CNTNAP2: variants seen among roughly 807,000 people sequenced by gnomAD.
CNTNAP2 encodes the protein contactin associated protein 2.
A neutral mutation model predicts 155.2 loss-of-function variants in CNTNAP2; 98 were observed. That is an observed-to-expected ratio of 0.63 (90% CI 0.54 to 0.75). The LOEUF (loss-of-function observed/expected upper bound fraction) is 0.75. CNTNAP2 is among the 30% of genes least tolerant of loss of function. CNTNAP2 has a pLI of 0.00. For missense variants in CNTNAP2, 1,727 were observed against 1,688.1 expected (o/e 1.02, Z -0.40); for synonymous variants, 651 against 631.2 (o/e 1.03, Z -0.47).
intron 9 of CNTNAP2, among the ~76,000 whole-genome samples, chr7:147,350,427 A>C (rs1452071209): frequency 6.6e-6 from 1 of 151,876 alleles, no homozygotes; most frequent in South Asian, 2.1e-4. Context: ...ACTTTTATAC[A>C]CTTTATAGTA....
At chr7:147,183,918 C>T (rs1802515487) in intron 8 of CNTNAP2, among the ~76,000 whole-genome samples, 1 of 152,114 alleles carries the variant, frequency 6.6e-6, no homozygotes, top group Non-Finnish European at 1.5e-5. Flanking sequence ...TCAAGCTAAA[C>T]ACAAAGTAAA....
chr7:147,120,563 G>T (rs558438719), intron 5 of CNTNAP2, among the ~76,000 whole-genome samples: 14 of 151,732 alleles, frequency 9.2e-5, no homozygotes, highest in Non-Finnish European at 1.9e-4. Flanking sequence ...TAACTTGTAC[G>T]TACTTTGAAC....
intron 1 of CNTNAP2, among the ~76,000 whole-genome samples, chr7:146,773,591 C>T (rs1802335293): frequency 6.6e-6 from 1 of 152,112 alleles, no homozygotes; most frequent in Admixed American, 6.5e-5. Context: ...GATGGGGTTT[C>T]TCCTGTTGGT....
chr7:147,210,595 G>T (rs1457598676), intron 8 of CNTNAP2, among the ~76,000 whole-genome samples: 2 of 151,702 alleles, frequency 1.3e-5, no homozygotes, highest in East Asian at 3.9e-4. Flanking sequence ...ATTTTGTTCA[G>T]TTCTCAGATT....
chr7:148,045,206 A>T (rs1215671202), intron 15 of CNTNAP2, among the ~76,000 whole-genome samples: 1 of 152,154 alleles, frequency 6.6e-6, no homozygotes, highest in African/African-American at 2.4e-5. Context: ...GCTGTCCTGG[A>T]CACGCAGGCT....
At chr7:147,377,848 C>T (rs527655408) in intron 9 of CNTNAP2, among the ~76,000 whole-genome samples, 10 of 151,844 alleles carry the variant, frequency 6.6e-5, no homozygotes, top group East Asian at 1.9e-4. Context: ...TTTTATGTTC[C>T]GTGGTAATGT....
intron 9 of CNTNAP2, among the ~76,000 whole-genome samples, chr7:147,376,214 C>CGT (rs1265544623): frequency 1.3e-5 from 2 of 151,888 alleles, no homozygotes; most frequent in Non-Finnish European, 2.9e-5. Context: ...TATGATAACT[C>CGT]GGTAGTGAGA....
chr7:147,384,774 T>G (rs1028055024), intron 9 of CNTNAP2, among the ~76,000 whole-genome samples: 6 of 152,184 alleles, frequency 3.9e-5, no homozygotes, highest in Non-Finnish European at 7.3e-5. Context: ...ATAGTTTTTA[T>G]TTTGAAACAA....
chr7:148,166,901 A>G (rs1805676944), intron 17 of CNTNAP2, among the ~76,000 whole-genome samples: 1 of 152,048 alleles, frequency 6.6e-6, no homozygotes, highest in Non-Finnish European at 1.5e-5. Flanking sequence ...ATTTTCACTG[A>G]TTCTAGTGCA....
At chr7:148,177,251 CA>C (rs1794953960) in intron 18 of CNTNAP2, among the ~76,000 whole-genome samples, 1 of 152,074 alleles carries the variant, frequency 6.6e-6, no homozygotes, top group African/African-American at 2.4e-5. Flanking sequence ...AAGTTGAGGT[CA>C]TACTAGGAGG....
intron 1 of CNTNAP2, among the ~76,000 whole-genome samples, chr7:146,185,174 A>C (rs1036186764): frequency 6.6e-6 from 1 of 152,162 alleles, no homozygotes. Flanking sequence ...CATTTGTATT[A>C]AAATATGTAG....
chr7:147,792,639 T>C (rs76287756), intron 13 of CNTNAP2, among the ~76,000 whole-genome samples: 1,700 of 152,328 alleles, frequency 0.011, 92 homozygotes, highest in Admixed American at 0.088. Context: ...TTTTTGCCTG[T>C]TATTAATAAT....
intron 1 of CNTNAP2, among the ~76,000 whole-genome samples, chr7:146,371,278 T>G (rs2129102728): frequency 6.6e-6 from 1 of 152,046 alleles, no homozygotes; most frequent in Non-Finnish European, 1.5e-5. Flanking sequence ...TGTTAAAATA[T>G]AACTCTCTTG....
intron 17 of CNTNAP2, among the ~76,000 whole-genome samples, chr7:148,160,253 A>G (rs1805493224): frequency 6.6e-6 from 1 of 151,812 alleles, no homozygotes; most frequent in East Asian, 1.9e-4. Context: ...AGAAAGAGAA[A>G]ATGACTACAC....
At chr7:146,119,871 A>T (rs1171306860) in intron 1 of CNTNAP2, among the ~76,000 whole-genome samples, 1 of 152,014 alleles carries the variant, frequency 6.6e-6, no homozygotes, top group Non-Finnish European at 1.5e-5. Context: ...CACACACATG[A>T]ATATATATGT....
chr7:146,200,909 G>A (rs1798850839), intron 1 of CNTNAP2, among the ~76,000 whole-genome samples: 1 of 152,258 alleles, frequency 6.6e-6, no homozygotes, highest in South Asian at 2.1e-4. Context: ...AAGAGACGTT[G>A]CAGGGTAAAA....
At chr7:147,896,189 A>G (rs1322424549) in intron 13 of CNTNAP2, among the ~76,000 whole-genome samples, 3 of 152,116 alleles carry the variant, frequency 2.0e-5, no homozygotes, top group Admixed American at 6.6e-5. Flanking sequence ...CATGGAGGAA[A>G]TATTTCAGAT....
chr7:147,622,729 AG>A (rs1460031196), intron 12 of CNTNAP2, among the ~76,000 whole-genome samples: 2 of 152,042 alleles, frequency 1.3e-5, no homozygotes, highest in South Asian at 4.1e-4. Context: ...GAACTAGAAA[AG>A]CAAGAGCAAA....
intron 2 of CNTNAP2, among the ~76,000 whole-genome samples, chr7:146,802,692 G>A (rs941175888): frequency 2.0e-5 from 3 of 152,092 alleles, no homozygotes; most frequent in African/African-American, 7.2e-5. Context: ...TCCCAGCCCT[G>A]GTTCCTGTAT....
Sources: allele counts gnomAD v4.1 joint callset (sites outside exome capture counted in the v4.1 genomes callset), GRCh38; gene constraint gnomAD v4.1.1; transcripts MANE v1.5; gene names NCBI Gene and HGNC (gene_info 2026-07-23, HGNC 2026-07-21).